NELL2: variants seen among roughly 807,000 people sequenced by gnomAD.
NELL2 encodes the protein neural EGFL like 2, also known as protein kinase C-binding protein NELL2.
In NELL2, 41 loss-of-function variants were observed where a neutral mutation model predicts 109.6. That is an observed-to-expected ratio of 0.37 (90% confidence interval 0.29 to 0.49). NELL2 has a LOEUF of 0.49. Ranked by LOEUF, NELL2 falls within the 20% of genes least tolerant of loss-of-function variation. NELL2 has a pLI of 0.98. For missense variants in NELL2, 900 were observed against 1,008.3 expected, an observed-to-expected ratio of 0.89 and a Z score of 1.45; for synonymous variants, 355 against 344.7, an observed-to-expected ratio of 1.03 and a Z score of -0.33.
At chr12:44,597,226 A>C (rs1176905318) in intron 15 of NELL2, among the ~76,000 whole-genome samples, 1 of 152,164 alleles carries the variant, frequency 6.6e-6, no homozygotes, top group Non-Finnish European at 1.5e-5. Context: ...TTAGCTCTTC[A>C]TGTATTTAAG....
intron 12 of NELL2, among the ~76,000 whole-genome samples, chr12:44,671,081 T>C (rs770344164): frequency 6.6e-6 from 1 of 152,134 alleles, no homozygotes; most frequent in Non-Finnish European, 1.5e-5. Context: ...ATTGAAACCA[T>C]ATCAAGTGTC....
At chr12:44,814,879 A>G (rs1170897943) in intron 3 of NELL2, among the ~76,000 whole-genome samples, 1 of 152,224 alleles carries the variant, frequency 6.6e-6, no homozygotes, top group Admixed American at 6.5e-5. Flanking sequence ...AAGAGAAACC[A>G]AATAAAGAGA....
intron 9 of NELL2, among the ~76,000 whole-genome samples, chr12:44,719,594 A>C (rs1239677535): frequency 2.6e-5 from 4 of 152,198 alleles, no homozygotes; most frequent in Non-Finnish European, 5.9e-5. Context: ...CCAAAAAGAA[A>C]GCCAGTGTAA....
intron 15 of NELL2, among the ~76,000 whole-genome samples, chr12:44,533,660 T>C (rs1942180956): frequency 6.6e-6 from 1 of 152,168 alleles, no homozygotes; most frequent in Non-Finnish European, 1.5e-5. Flanking sequence ...CCCTTGATTC[T>C]TCTTGTTTCG....
intron 2 of NELL2, among the ~76,000 whole-genome samples, chr12:44,821,507 T>C (rs1943542097): frequency 6.6e-6 from 1 of 152,226 alleles, no homozygotes. Flanking sequence ...AGAAAGGTCA[T>C]TTTACTCATT....
chr12:44,706,187 T>A (rs1330092614), intron 11 of NELL2, among the ~76,000 whole-genome samples: 6 of 152,196 alleles, frequency 3.9e-5, no homozygotes, highest in Non-Finnish European at 8.8e-5. Context: ...TGGGTTTTTT[T>A]AAACACAAAT....
chr12:44,711,801 T>C (rs1034888247), intron 10 of NELL2, among the ~76,000 whole-genome samples: 32 of 152,244 alleles, frequency 2.1e-4, no homozygotes, highest in African/African-American at 7.0e-4. Context: ...TTCAGTTTTC[T>C]TATAAAGTTT....
chr12:44,556,022 C>T (rs1165527388), intron 15 of NELL2, among the ~76,000 whole-genome samples: 1 of 152,176 alleles, frequency 6.6e-6, no homozygotes, highest in Non-Finnish European at 1.5e-5. Flanking sequence ...AAGTACCAAT[C>T]TGGACTATTG....
intron 16 of NELL2, among the ~76,000 whole-genome samples, chr12:44,530,939 C>G (rs2139006601): frequency 1.3e-5 from 2 of 152,338 alleles, no homozygotes; most frequent in East Asian, 3.9e-4. Context: ...CTGTTTTTAG[C>G]TGCTAAGTTT....
At chr12:44,545,768 T>C (rs948785434) in intron 15 of NELL2, among the ~76,000 whole-genome samples, 1 of 152,098 alleles carries the variant, frequency 6.6e-6, no homozygotes, top group Non-Finnish European at 1.5e-5. Flanking sequence ...TCAGGTGATA[T>C]GATAGAGAAT....
chr12:44,871,420 A>G (rs1478064996), intron 2 of NELL2, among the ~76,000 whole-genome samples: 1 of 152,196 alleles, frequency 6.6e-6, no homozygotes, highest in Non-Finnish European at 1.5e-5. Flanking sequence ...AAAATAACTT[A>G]TTTGAAAGAA....
At chr12:44,723,227 G>C (rs1256226336) in intron 9 of NELL2, among the ~76,000 whole-genome samples, 1 of 151,880 alleles carries the variant, frequency 6.6e-6, no homozygotes. Context: ...TTGCATGCTA[G>C]ACGAGTTAAA....
Position 44,665,572 on chromosome 12 carries a change from A to G in NELL2, c.1356T>C (p.Arg452=). ...GGGTGTTGACACACATTGTATTTTC[A>G]CGACAGTAATGGCGCCCTTCAGCAC... ...DECAEGRHYC[R]ENTMCVNTPG... Residue 452 remains arginine (R), a synonymous_variant, in exon 13 of 20, where the codon CGT becomes CGC. Coordinates refer to ENST00000429094, the MANE Select transcript of NELL2 (RefSeq NM_001145108.2). The G allele has an allele frequency of 1.9e-6, 3 of 1,613,566 alleles. No individual in the cohort carries two copies. In the African/African-American group the frequency reaches 4.0e-5, roughly 22 times the overall value.
chr12:44,795,130 T>C (rs1942574283), intron 3 of NELL2, among the ~76,000 whole-genome samples: 1 of 152,166 alleles, frequency 6.6e-6, no homozygotes, highest in Non-Finnish European at 1.5e-5. Flanking sequence ...ATGTCTCATA[T>C]GACAAAAAGG....
At chr12:44,555,771 T>C (rs990338221) in intron 15 of NELL2, among the ~76,000 whole-genome samples, 1 of 152,198 alleles carries the variant, frequency 6.6e-6, no homozygotes, top group East Asian at 1.9e-4. Context: ...GAAAAGGCCA[T>C]CTAAGCAGGA....
At chr12:44,886,620 A>G (rs1342214023) in intron 1 of NELL2, among the ~76,000 whole-genome samples, 1 of 152,008 alleles carries the variant, frequency 6.6e-6, no homozygotes, top group Non-Finnish European at 1.5e-5. Context: ...GTGTATTGGA[A>G]TATCCATCAT....
chr12:44,708,051 G>C (rs968606086), intron 11 of NELL2, among the ~76,000 whole-genome samples: 5 of 152,054 alleles, frequency 3.3e-5, no homozygotes, highest in Non-Finnish European at 5.9e-5. Context: ...CAGACAAAGT[G>C]GTTGCCAAGG....
intron 13 of NELL2, among the ~76,000 whole-genome samples, chr12:44,648,731 A>ATTTT (rs71459072): frequency 7.8e-5 from 7 of 89,686 alleles, no homozygotes; most frequent in Non-Finnish European, 1.4e-4. Context: ...ATATATATAT[A>ATTTT]TTTTTTTTTT....
intron 15 of NELL2, among the ~76,000 whole-genome samples, chr12:44,540,475 C>T (rs1221619648): frequency 1.3e-5 from 2 of 152,002 alleles, no homozygotes; most frequent in African/African-American, 2.4e-5. Context: ...TCTTGAAATA[C>T]CATGTAGAGC....
Sources: allele counts gnomAD v4.1 joint callset (sites outside exome capture counted in the v4.1 genomes callset), GRCh38; gene constraint gnomAD v4.1.1; transcripts MANE v1.5; gene names NCBI Gene and HGNC (gene_info 2026-07-23, HGNC 2026-07-21).